Variants in PCM1 observed in about 807,000 individuals in gnomAD.
PCM1 encodes the protein pericentriolar material 1 protein.
In PCM1, 157 loss-of-function variants were observed where a neutral mutation model predicts 241.9. The ratio of observed to expected loss-of-function variants is 0.65; its 90% CI spans 0.57 to 0.74. The LOEUF (loss-of-function observed/expected upper bound fraction) is 0.74, where lower values mean the gene tolerates loss of function less well. Ranked by LOEUF, PCM1 falls within the 30% of genes least tolerant of loss-of-function variation. PCM1 has a pLI of 0.00. For missense variants in PCM1, 3,478 were observed against 2,360.1 expected, an observed-to-expected ratio of 1.47 and a Z score of -9.81; for synonymous variants, 1,085 against 784.9, an observed-to-expected ratio of 1.38 and a Z score of -6.39.
chr8:17,989,865 T>G lies in PCM1; in HGVS notation c.4417T>G (p.Phe1473Val). 1 of 1,538,180 alleles carries G rather than the reference T, an allele frequency of 6.5e-7. No individual in the cohort carries two copies. Among genetic ancestry groups the G allele is most frequent in the South Asian group, 1.2e-5 (1 of 82,438 alleles). ...TTGTTTTACTGTAACTTAGGAAACTTTTGAGAAGAACTTTGAAAGAGAAAC... is the reference window on the plus strand; with the variant it reads ...TTGTTTTACTGTAACTTAGGAAACTGTTGAGAAGAACTTTGAAAGAGAAAC... The part of the protein sequence containing the change: ...ESLATTDDET[F>V]EKNFERETHK... Residue 1473 changes from phenylalanine to valine, a missense_variant, in exon 27 of 39, where the codon TTT (phenylalanine) becomes GTT (valine). Transcript: ENST00000325083.
Position 17,929,952 on chromosome 8 carries a change from A to G in PCM1, c.-23+5172A>G, listed in dbSNP as rs146511692. On this transcript the variant is annotated intron_variant, in intron 2 of 38. Coordinates refer to ENST00000325083, the MANE Select transcript of PCM1 (RefSeq NM_006197.4). ...TACTTTACTCACCAGTTTCCTGACC[A>G]TGGTTGACTATGGGGAACTATAATC... is the stretch of plus-strand genomic sequence containing the variant. Among the ~76,000 whole-genome samples, 19 of 152,296 alleles carry G rather than the reference A, an allele frequency of 1.2e-4. 1 individual carries two copies. The highest frequency in any genetic ancestry group is 4.1e-4 in the South Asian group (2 of 4,828).
chr8:17,984,617 C>A (rs944202806), intron 24 of PCM1, among the ~76,000 whole-genome samples: 4 of 151,854 alleles, frequency 2.6e-5, no homozygotes, highest in African/African-American at 9.7e-5. Flanking sequence ...AGAGCACATT[C>A]TTTTTCCATT....
chr8:17,969,941 T>C (rs984239786), intron 22 of PCM1, among the ~76,000 whole-genome samples, 193 bp downstream of exon 22: 7 of 152,120 alleles, frequency 4.6e-5, no homozygotes, highest in African/African-American at 1.7e-4. Context: ...ACATTAAAAG[T>C]TGTTTGGAAG....
chr8:18,018,181 G>C (rs560446408), intron 36 of PCM1, among the ~76,000 whole-genome samples: 17 of 152,304 alleles, frequency 1.1e-4, no homozygotes, highest in African/African-American at 3.8e-4. Context: ...ACACTAAATT[G>C]AGAGGGCACT....
At chr8:17,959,205 T>C (rs1035316631) in intron 13 of PCM1, among the ~76,000 whole-genome samples, 1 of 152,106 alleles carries the variant, frequency 6.6e-6, no homozygotes, top group Non-Finnish European at 1.5e-5. Context: ...TTTATAGCTT[T>C]CCTTTTTTCC....
In PCM1 at chr8:18,014,729, A is replaced by G; in HGVS notation, c.5730A>G (p.Glu1910=). Residue 1910 remains glutamate (E), a synonymous_variant, in exon 36 of 39, where the codon GAA becomes GAG. Coordinates refer to ENST00000325083, the MANE Select transcript of PCM1 (RefSeq NM_006197.4). ...QPNPLPLRLP[E]MEPLVPRVKE... ...ACCCTTTGCCGTTACGTTTACCTGA[A>G]ATGGAACCCTTAGTGCCTAGAGTCA... The G allele has an allele frequency of 6.2e-7, 1 of 1,613,192 alleles. No homozygotes were observed. The highest frequency in any genetic ancestry group is 8.5e-7 in the Non-Finnish European group (1 of 1,179,850).
intron 10 of PCM1, 57 bp from the exon 11 acceptor site, chr8:17,956,545 GTC>G: frequency 9.9e-7 from 1 of 1,006,764 alleles, no homozygotes; most frequent in Non-Finnish European, 1.5e-6. Context: ...TGAAAATAAT[GTC>G]TGTATTATTT....
rs1422221633 is a variant in PCM1 at position 17,943,285 on chromosome 8, G to T, written c.783+3424G>T. Among the ~76,000 whole-genome samples the T allele has an allele frequency of 2.7e-5, 4 of 150,850 alleles. No homozygotes were observed. The East Asian group carries it at 7.8e-4, about 29-fold the overall frequency. On this transcript the variant is annotated intron_variant, in intron 6 of 38. Transcript: ENST00000325083. ...TTTTCTGGTTCCTACAAGAATTTGA[G>T]AGCACAGTTTGAAATTAGTTATGGG...
intron 38 of PCM1, among the ~76,000 whole-genome samples, chr8:18,026,872 C>T (rs2094262194): frequency 6.6e-6 from 1 of 152,138 alleles, no homozygotes; most frequent in African/African-American, 2.4e-5. Flanking sequence ...ATTACTAAGG[C>T]TATTATATAC....
intron 23 of PCM1, among the ~76,000 whole-genome samples, chr8:17,977,702 C>T (rs1480481485): frequency 6.6e-6 from 1 of 151,930 alleles, no homozygotes; most frequent in Non-Finnish European, 1.5e-5. Context: ...GGCAGTCTTC[C>T]TTAACCCTGT....
rs2070854566 is a variant in PCM1 at position 17,959,903 on chromosome 8, CT to C, written c.2041-110del. The C allele has an allele frequency of 3.0e-6, 3 of 1,016,308 alleles. No homozygotes were observed. In the African/African-American group the frequency reaches 4.9e-5, roughly 17 times the overall value. 63.0% of individuals were successfully genotyped at this position (1,016,308 alleles called of 1,614,324 possible). A position where few individuals can be genotyped will look rare whatever the true frequency, so the allele number is the denominator to read the frequency against. ...CATGTATACAAACGTGCTTTCTTTA[CT>C]GCTTTAATCTTTTTATGTAAATTTT... On this transcript the variant is annotated intron_variant, in intron 13 of 38. Transcript: ENST00000325083.
At chr8:18,010,579 T>G (rs117245567) in intron 31 of PCM1, 30 bp from the exon 32 acceptor site, 29,676 of 1,540,748 alleles carry the variant, frequency 0.019, 464 homozygotes, top group South Asian at 0.051. Flanking sequence ...AGTATGTTGC[T>G]AAATTCTGTG....
At chr8:17,976,750 A>G (rs1213905647) in intron 23 of PCM1, among the ~76,000 whole-genome samples, 2 of 152,222 alleles carry the variant, frequency 1.3e-5, no homozygotes, top group Non-Finnish European at 2.9e-5. Context: ...AGAAAGGGAA[A>G]GAGTGGTGAA....
chr8:17,991,046 A>ATTTT (rs35010110), intron 27 of PCM1, among the ~76,000 whole-genome samples: 1 of 144,738 alleles, frequency 6.9e-6, no homozygotes. Context: ...ATTTACTGGT[A>ATTTT]TTTTTTTTTT....
At chr8:17,991,073 A>C (rs1171198018) in intron 27 of PCM1, among the ~76,000 whole-genome samples, 1 of 150,084 alleles carries the variant, frequency 6.7e-6, no homozygotes, top group Non-Finnish European at 1.5e-5. Flanking sequence ...ACAAACCTGC[A>C]CCAGTAGCTG....
At chr8:17,959,397 A>G (rs751155914) in intron 13 of PCM1, among the ~76,000 whole-genome samples, 19 of 152,056 alleles carry the variant, frequency 1.2e-4, no homozygotes, top group Non-Finnish European at 2.2e-4. Context: ...ACTTTAGTTA[A>G]TGTATAATAG....
At chr8:17,964,475 T>G in intron 17 of PCM1, 93 bp from the exon 18 acceptor site, 1 of 867,236 alleles carries the variant, frequency 1.2e-6, no homozygotes, top group Non-Finnish European at 1.8e-6. Flanking sequence ...GACATGTATA[T>G]GTATGTTTGA....
Position 17,960,329 on chromosome 8 carries a change from A to G in PCM1, c.2207A>G (p.Glu736Gly). The G allele has an allele frequency of 6.3e-7, 1 of 1,588,436 alleles. No homozygotes were observed. The highest frequency in any genetic ancestry group is 8.5e-7 in the Non-Finnish European group (1 of 1,173,422). ...VNEKAREKFY[E>G]AKLQQQQREL... Reference sequence around the variant, plus strand: ...TTTAATTGTAGAGAGAAATTTTATGAGGCTAAACTACAGCAGCAACAGAGA... The same window carrying G: ...TTTAATTGTAGAGAGAAATTTTATGGGGCTAAACTACAGCAGCAACAGAGA... Residue 736 changes from glutamate to glycine, a missense_variant, in exon 15 of 39, where the codon GAG (glutamate) becomes GGG (glycine). Transcript: ENST00000325083.
At chr8:17,994,124 G>C (rs573985325) in intron 29 of PCM1, among the ~76,000 whole-genome samples, 12 of 152,240 alleles carry the variant, frequency 7.9e-5, no homozygotes, top group Admixed American at 6.5e-4. Flanking sequence ...TTAAATAATA[G>C]ATCTTATTCA....
Sources: gnomAD v4.1 joint callset for allele counts (sites outside exome capture counted in the v4.1 genomes callset) on GRCh38, gnomAD v4.1.1 for gene constraint, MANE v1.5 for transcripts, NCBI Gene and HGNC (gene_info 2026-07-23, HGNC 2026-07-21) for gene names.